Variants in MEMO1 observed in about 807,000 individuals in gnomAD.
MEMO1 encodes the protein mediator of cell motility 1, also known as protein MEMO1.
MEMO1 carries 6 observed loss-of-function variants against 45.2 expected under a neutral mutation model. The ratio of observed to expected loss-of-function variants is 0.13; its 90% CI spans 0.07 to 0.26. MEMO1 has a LOEUF of 0.26. Ranked by LOEUF, MEMO1 falls within the 10% of genes least tolerant of loss-of-function variation. The probability of loss-of-function intolerance (pLI) is 1.00; values close to 1 mark genes in which losing one functional copy is unlikely to be tolerated. For synonymous variants in MEMO1, 78 were observed against 124.3 expected, an observed-to-expected ratio of 0.63 and a Z score of 2.48; for missense variants, 184 against 370.5, an observed-to-expected ratio of 0.50 and a Z score of 4.13.
At chr2:31,955,872 C>T (rs1234777668) in intron 2 of MEMO1, among the ~76,000 whole-genome samples, 1 of 152,078 alleles carries the variant, frequency 6.6e-6, no homozygotes, top group African/African-American at 2.4e-5. Context: ...CCTCCCAAAG[C>T]GCTGGTAGTA....
chr2:31,877,221 A>T (rs1674689100), intron 8 of MEMO1, among the ~76,000 whole-genome samples: 5 of 152,252 alleles, frequency 3.3e-5, no homozygotes, highest in Admixed American at 3.3e-4. Context: ...TGAGGGAGAT[A>T]ACCCCAAGAC....
intron 3 of MEMO1, among the ~76,000 whole-genome samples, chr2:31,941,600 G>C (rs1190473279): frequency 1.3e-5 from 2 of 152,146 alleles, no homozygotes; most frequent in Non-Finnish European, 1.5e-5. Context: ...CCTTTAGCCT[G>C]GTATGTAAAT....
intron 2 of MEMO1, among the ~76,000 whole-genome samples, chr2:31,974,613 T>C (rs1669789883): frequency 6.6e-6 from 1 of 151,984 alleles, no homozygotes; most frequent in African/African-American, 2.4e-5. Flanking sequence ...GGCATGGTTG[T>C]ATGCACCTGT....
At chr2:31,984,246 T>C (rs1671002083) in intron 2 of MEMO1, among the ~76,000 whole-genome samples, 1 of 152,176 alleles carries the variant, frequency 6.6e-6, no homozygotes, top group Non-Finnish European at 1.5e-5. Context: ...AACATTAATT[T>C]AATGTAACCC....
chr2:31,943,196 C>T lies in MEMO1; in HGVS notation c.143+106G>A, dbSNP rs1049559315. On this transcript the variant is annotated intron_variant, in intron 3 of 9. Coordinates refer to ENST00000404530, the MANE Select transcript of MEMO1 (RefSeq NM_001301833.4). The stretch of plus-strand genomic sequence containing the variant: ...AGGAGAGTCGCTTGAACCTGGGAGG[C>T]GGAGGTTGCAGTGAGCCGAGACCAT... The T allele has an allele frequency of 2.4e-5, 20 of 816,386 alleles. No homozygotes were observed. The East Asian group carries it at 3.9e-4, about 16-fold the overall frequency. 50.6% of individuals were successfully genotyped at this position (816,386 alleles called of 1,614,324 possible).
intron 3 of MEMO1, among the ~76,000 whole-genome samples, chr2:31,937,681 T>C (rs1463562236): frequency 6.6e-6 from 1 of 152,204 alleles, no homozygotes; most frequent in Non-Finnish European, 1.5e-5. Flanking sequence ...GTATCCTTTC[T>C]CCCATACTAC....
chr2:31,940,409 C>T (rs1325323172), intron 3 of MEMO1, among the ~76,000 whole-genome samples: 1 of 152,152 alleles, frequency 6.6e-6, no homozygotes, highest in Non-Finnish European at 1.5e-5. Flanking sequence ...AACCTAGATT[C>T]TATACGAACA....
At chr2:31,897,817 G>C (rs762448521) in intron 6 of MEMO1, among the ~76,000 whole-genome samples, 6 of 152,080 alleles carry the variant, frequency 3.9e-5, no homozygotes, top group Non-Finnish European at 8.8e-5. Flanking sequence ...TGTACCTCTG[G>C]TAGAATTCAG....
chr2:31,973,312 T>C (rs1013721111), intron 2 of MEMO1, among the ~76,000 whole-genome samples: 2 of 151,424 alleles, frequency 1.3e-5, no homozygotes, highest in African/African-American at 4.9e-5. Flanking sequence ...AAATTAGCCA[T>C]GTGTGGTGGC....
At chr2:32,010,339 G>T (rs1014129963) in intron 1 of MEMO1, 75 bp from the exon 2 acceptor site, 23 of 692,130 alleles carry the variant, frequency 3.3e-5, no homozygotes, top group Non-Finnish European at 4.3e-5. Flanking sequence ...ACGAGACACC[G>T]CGGGCCCAGC....
At chr2:31,961,733 G>A (rs571085335) in intron 2 of MEMO1, among the ~76,000 whole-genome samples, 4 of 151,902 alleles carry the variant, frequency 2.6e-5, no homozygotes, top group African/African-American at 2.4e-5. Flanking sequence ...ACCCAAGATC[G>A]TGCTACTATA....
intron 2 of MEMO1, among the ~76,000 whole-genome samples, chr2:31,969,392 TAC>T (rs1230129164): frequency 4.7e-5 from 7 of 149,082 alleles, no homozygotes; most frequent in African/African-American, 1.5e-4. Flanking sequence ...TGTATATATA[TAC>T]GTGTATATAC....
intron 4 of MEMO1, among the ~76,000 whole-genome samples, chr2:31,928,012 C>G (rs1683361845): frequency 2.6e-5 from 4 of 152,214 alleles, no homozygotes; most frequent in Admixed American, 2.6e-4. Flanking sequence ...TTTTATTAAT[C>G]ACTGTGTCTC....
At chr2:31,990,148 C>T (rs1397643053) in intron 2 of MEMO1, among the ~76,000 whole-genome samples, 1 of 152,072 alleles carries the variant, frequency 6.6e-6, no homozygotes, top group Admixed American at 6.6e-5. Flanking sequence ...CTCCCTCTTC[C>T]AAATTTACAT....
chr2:31,896,159 A>G (rs1472934564), intron 6 of MEMO1, among the ~76,000 whole-genome samples: 1 of 152,194 alleles, frequency 6.6e-6, no homozygotes, highest in Non-Finnish European at 1.5e-5. Flanking sequence ...AAATCGTGAA[A>G]GCAGCGAGAA....
At chr2:31,899,724 A>C (rs1290110298) in intron 6 of MEMO1, among the ~76,000 whole-genome samples, 1 of 152,236 alleles carries the variant, frequency 6.6e-6, no homozygotes. Context: ...CGGCAAAAGA[A>C]ACTACCATCA....
At chr2:31,897,977 T>C (rs1000868148) in intron 6 of MEMO1, among the ~76,000 whole-genome samples, 1 of 152,008 alleles carries the variant, frequency 6.6e-6, no homozygotes, top group Non-Finnish European at 1.5e-5. Flanking sequence ...TATCCATTTC[T>C]TCTAAATTTT....
chr2:32,009,112 T>TA (rs1674470578), intron 2 of MEMO1, among the ~76,000 whole-genome samples: 1 of 151,818 alleles, frequency 6.6e-6, no homozygotes, highest in African/African-American at 2.4e-5. Context: ...ACAGGCATTC[T>TA]AACAAGCACT....
chr2:31,899,060 C>T (rs1678345238), intron 6 of MEMO1, among the ~76,000 whole-genome samples: 1 of 152,076 alleles, frequency 6.6e-6, no homozygotes, highest in African/African-American at 2.4e-5. Context: ...GGAAAAACAT[C>T]CCACGCTCAT....
Sources: gnomAD v4.1 joint callset for allele counts (sites outside exome capture counted in the v4.1 genomes callset) on GRCh38, gnomAD v4.1.1 for gene constraint, MANE v1.5 for transcripts, NCBI Gene and HGNC (gene_info 2026-07-23, HGNC 2026-07-21) for gene names.